The following AGBL4 variants were observed in gnomAD, a reference collection of about 807,000 sequenced individuals.
The protein encoded by AGBL4 is cytosolic carboxypeptidase 6.
AGBL4 carries 58 observed loss-of-function variants against 66.4 expected under a neutral mutation model. The ratio of observed to expected loss-of-function variants is 0.87; its 90% confidence interval spans 0.71 to 1.09. The LOEUF (loss-of-function observed/expected upper bound fraction) is 1.09. AGBL4 is among the 50% of genes least tolerant of loss of function. The pLI, the probability that AGBL4 is intolerant of heterozygous loss-of-function variation, is 0.00. For synonymous variants in AGBL4, 234 were observed against 222.9 expected, an observed-to-expected ratio of 1.05 and a Z score of -0.44; for missense variants, 579 against 631.0, an observed-to-expected ratio of 0.92 and a Z score of 0.88.
intron 3 of AGBL4, among the ~76,000 whole-genome samples, chr1:49,450,303 T>C (rs1646249998): frequency 6.6e-6 from 1 of 151,950 alleles, no homozygotes; most frequent in Non-Finnish European, 1.5e-5. Context: ...ACTAAAGCCA[T>C]AGCACAAGAT....
intron 4 of AGBL4, among the ~76,000 whole-genome samples, chr1:49,104,494 AT>A (rs1280927838): frequency 2.0e-5 from 3 of 152,208 alleles, no homozygotes; most frequent in Non-Finnish European, 4.4e-5. Flanking sequence ...CCTTCATTTA[AT>A]ATTGACACTA....
chr1:50,003,799 C>T (rs755084613), intron 1 of AGBL4, among the ~76,000 whole-genome samples: 6 of 152,122 alleles, frequency 3.9e-5, no homozygotes, highest in Non-Finnish European at 7.4e-5. Context: ...AATTCAGGAA[C>T]ACTACAGCGA....
At chr1:49,533,432 T>A (rs1016641240) in intron 3 of AGBL4, among the ~76,000 whole-genome samples, 1 of 152,148 alleles carries the variant, frequency 6.6e-6, no homozygotes, top group Non-Finnish European at 1.5e-5. Flanking sequence ...GGGTCCTCAA[T>A]CTGCTTGCAC....
chr1:49,938,374 A>T (rs1467059290), intron 1 of AGBL4, among the ~76,000 whole-genome samples: 1 of 152,192 alleles, frequency 6.6e-6, no homozygotes, highest in Non-Finnish European at 1.5e-5. Flanking sequence ...AACCAAAAAT[A>T]GTCCAGGACC....
chr1:48,768,356 C>T (rs530996596), intron 6 of AGBL4, among the ~76,000 whole-genome samples: 2 of 152,072 alleles, frequency 1.3e-5, no homozygotes, highest in South Asian at 4.2e-4. Context: ...TAAATAATGC[C>T]CAAATAGGGT....
At chr1:49,238,605 T>A in intron 4 of AGBL4, among the ~76,000 whole-genome samples, 1 of 151,826 alleles carries the variant, frequency 6.6e-6, no homozygotes, top group South Asian at 2.1e-4. Flanking sequence ...TATTGGGGAG[T>A]GGGGTGGTGG....
intron 3 of AGBL4, among the ~76,000 whole-genome samples, chr1:49,310,032 G>A (rs903328311): frequency 2.0e-5 from 3 of 152,042 alleles, no homozygotes; most frequent in Non-Finnish European, 4.4e-5. Context: ...GATTTAAATG[G>A]AGGAATTGGG....
At chr1:49,804,023 TA>T (rs1413677106) in intron 2 of AGBL4, among the ~76,000 whole-genome samples, 1 of 152,216 alleles carries the variant, frequency 6.6e-6, no homozygotes, top group East Asian at 1.9e-4. Context: ...TGCTAATTGC[TA>T]AAAATACAGT....
chr1:49,043,893 C>A (rs776833631), intron 5 of AGBL4, among the ~76,000 whole-genome samples: 4 of 152,120 alleles, frequency 2.6e-5, no homozygotes, highest in Non-Finnish European at 5.9e-5. Flanking sequence ...TTTAGAAATG[C>A]GTCTCACTTT....
chr1:48,591,709 A>T (rs960327558), intron 9 of AGBL4, among the ~76,000 whole-genome samples: 8 of 152,250 alleles, frequency 5.3e-5, no homozygotes, highest in Non-Finnish European at 1.0e-4. Context: ...GCCTTGTGTC[A>T]TGATGCCAGG....
At chr1:48,585,115 T>C (rs1291392404) in intron 11 of AGBL4, 1 of 152,214 alleles carries the variant, frequency 6.6e-6, no homozygotes, top group Non-Finnish European at 1.5e-5. Context: ...TAAATGAGTG[T>C]TGGCTGTTGA....
intron 4 of AGBL4, among the ~76,000 whole-genome samples, chr1:49,209,743 TA>T (rs1389609873): frequency 5.3e-5 from 8 of 152,134 alleles, no homozygotes; most frequent in Non-Finnish European, 8.8e-5. Context: ...ATCCTATAAG[TA>T]AGGAAAAACT....
At position 49,495,723 on chromosome 1, in the gene AGBL4, T is replaced by C. The variant is rs1056258150; in HGVS notation, c.282+201590A>G. 2.0e-5 allele frequency among the ~76,000 whole-genome samples: 3 copies of C among 151,954 alleles called. 1 individual carries two copies. The highest frequency in any genetic ancestry group is 4.4e-5 in the Non-Finnish European group (3 of 67,956). On this transcript the variant is annotated intron_variant, in intron 3 of 13. Coordinates refer to ENST00000371839, the MANE Select transcript of AGBL4 (RefSeq NM_032785.4). ...TAAACTTTTTCCTTTTATCTTCACA[T>C]TGATTTAAAAAAAGGGGAGGTATTA...
At chr1:49,415,668 T>A (rs1645411756) in intron 3 of AGBL4, among the ~76,000 whole-genome samples, 1 of 152,070 alleles carries the variant, frequency 6.6e-6, no homozygotes, top group Admixed American at 6.6e-5. Context: ...GAGATGGATT[T>A]TAAGGAGGTT....
At chr1:49,882,500 T>C (rs923707978) in intron 1 of AGBL4, among the ~76,000 whole-genome samples, 4 of 151,948 alleles carry the variant, frequency 2.6e-5, no homozygotes, top group African/African-American at 4.8e-5. Context: ...TTTCACGATA[T>C]TGATTCTTCC....
At chr1:48,982,990 CAG>C (rs1659900827) in intron 5 of AGBL4, among the ~76,000 whole-genome samples, 1 of 152,122 alleles carries the variant, frequency 6.6e-6, no homozygotes, top group African/African-American at 2.4e-5. Flanking sequence ...AAGAGAGTGA[CAG>C]GGTAAAAACA....
At chr1:49,791,902 C>T (rs1644609451) in intron 2 of AGBL4, among the ~76,000 whole-genome samples, 1 of 152,114 alleles carries the variant, frequency 6.6e-6, no homozygotes, top group South Asian at 2.1e-4. Flanking sequence ...GTAGGAACCA[C>T]ATTTTTTTCA....
intron 3 of AGBL4, among the ~76,000 whole-genome samples, chr1:49,307,548 T>G (rs1308690271): frequency 6.6e-6 from 1 of 152,178 alleles, no homozygotes. Context: ...ATCATACTGT[T>G]TTATTGTTTT....
At chr1:49,277,135 G>T (rs1307628654) in intron 3 of AGBL4, among the ~76,000 whole-genome samples, 1 of 152,066 alleles carries the variant, frequency 6.6e-6, no homozygotes, top group African/African-American at 2.4e-5. Flanking sequence ...CAATATACTA[G>T]AATATTCAGT....
Sources: gnomAD v4.1 joint callset for allele counts (sites outside exome capture counted in the v4.1 genomes callset) on GRCh38, gnomAD v4.1.1 for gene constraint, MANE v1.5 for transcripts, NCBI Gene and HGNC (gene_info 2026-07-23, HGNC 2026-07-21) for gene names.